Variants in PPAT observed in about 807,000 individuals in gnomAD.
PPAT encodes the protein phosphoribosyl pyrophosphate amidotransferase, also known as amidophosphoribosyltransferase.
Under a neutral mutation model 60.2 loss-of-function variants are expected in PPAT, and 20 were observed. The observed-to-expected ratio is 0.33, with a 90% CI of 0.23 to 0.48. PPAT has a LOEUF of 0.48. Among genes scored for constraint, PPAT ranks in the 20% least tolerant of loss-of-function variants. The pLI, the probability that PPAT is intolerant of heterozygous loss-of-function variation, is 0.99. For synonymous variants in PPAT, 194 were observed against 215.1 expected, an observed-to-expected ratio of 0.90 and a Z score of 0.86; for missense variants, 349 against 629.6, an observed-to-expected ratio of 0.55 and a Z score of 4.77.
chr4:56,403,277 T>C lies in PPAT; in HGVS notation c.515+12A>G. 6.2e-7 allele frequency: 1 copy of C among 1,606,362 alleles called. No homozygotes were observed. Among genetic ancestry groups the C allele is most frequent in the Non-Finnish European group, 8.5e-7 (1 of 1,172,952 alleles). ...TACTAGAGCTCTAAGTTTAGTCCAGTTCTCTGCTTACCTGGCTACCCAGTC... is the reference window on the plus strand; with the variant it reads ...TACTAGAGCTCTAAGTTTAGTCCAGCTCTCTGCTTACCTGGCTACCCAGTC... On this transcript the variant is annotated intron_variant, in intron 4 of 10. Coordinates refer to ENST00000264220, the MANE Select transcript of PPAT (RefSeq NM_002703.5).
chr4:56,429,348 T>C (rs1433967855), intron 1 of PPAT, among the ~76,000 whole-genome samples: 1 of 152,140 alleles, frequency 6.6e-6, no homozygotes, highest in Non-Finnish European at 1.5e-5. Context: ...TGTTATCAGA[T>C]GTAAAAAGAA....
intron 5 of PPAT, among the ~76,000 whole-genome samples, 160 bp from the exon 6 acceptor site, chr4:56,402,341 A>T: frequency 6.6e-6 from 1 of 151,516 alleles, no homozygotes; most frequent in East Asian, 1.9e-4. Context: ...TGAGCCAAAG[A>T]TAAAATAAAT....
In PPAT at chr4:56,435,518, C is replaced by A. The variant is rs1202950686; in HGVS notation, c.-41G>T. 3 of 1,612,112 alleles carry A rather than the reference C, an allele frequency of 1.9e-6. No homozygotes were observed. Among genetic ancestry groups the A allele is most frequent in the African/African-American group, 2.7e-5 (2 of 74,888 alleles). ...ACGTGGAAGGACCTGCCGCTGCGGCCAAGGTGTAAGCACCAACCAGCTGCC... is the reference window on the plus strand; with the variant it reads ...ACGTGGAAGGACCTGCCGCTGCGGCAAAGGTGTAAGCACCAACCAGCTGCC... On this transcript the variant is annotated 5_prime_UTR_variant, in exon 1 of 11. Transcript: ENST00000264220.
At chr4:56,429,007 TA>T in intron 1 of PPAT, 1 of 961,746 alleles carries the variant, frequency 1.0e-6, no homozygotes, top group Non-Finnish European at 1.2e-6. Context: ...ATGAAGATGG[TA>T]AGAGCCAGAG....
In PPAT at chr4:56,401,150, C is replaced by T. The variant is rs564973258; in HGVS notation, c.886+180G>A. On this transcript the variant is annotated intron_variant, in intron 7 of 10. Coordinates refer to ENST00000264220, the MANE Select transcript of PPAT (RefSeq NM_002703.5). The stretch of plus-strand genomic sequence containing the variant: ...CTTACTCCTAACAAAAAACAAAATC[C>T]AAGAGTCAAAAGGAAGTGAAAAATA... Among the ~76,000 whole-genome samples, 11 of 151,998 alleles carry T rather than the reference C, an allele frequency of 7.2e-5. No individual in the cohort carries two copies. The South Asian group carries it at 2.3e-3, about 32-fold the overall frequency.
chr4:56,395,204 C>T lies in PPAT; in HGVS notation c.*148G>A. 1.5e-6 allele frequency: 1 copy of T among 660,386 alleles called. No homozygotes were observed. The highest frequency in any genetic ancestry group is 2.3e-6 in the Non-Finnish European group (1 of 425,648). 40.9% of individuals were successfully genotyped at this position (660,386 alleles called of 1,614,324 possible). On this transcript the variant is annotated 3_prime_UTR_variant, in exon 11 of 11. Coordinates refer to ENST00000264220, the MANE Select transcript of PPAT (RefSeq NM_002703.5). ...AGTTATCGCACTTTGGTATCCTTTTCAGAAAAAAAAAAAATCTCAAAACTT... is the reference window on the plus strand; with the variant it reads ...AGTTATCGCACTTTGGTATCCTTTTTAGAAAAAAAAAAAATCTCAAAACTT...
chr4:56,405,479 G>C (rs1421203909), intron 3 of PPAT, among the ~76,000 whole-genome samples: 1 of 152,204 alleles, frequency 6.6e-6, no homozygotes, highest in Non-Finnish European at 1.5e-5. Context: ...AGTTGCCAGG[G>C]GAATCAACCA....
In PPAT at chr4:56,395,622, G is replaced by A. The variant is rs191710770; in HGVS notation, c.1358-74C>T. Reference sequence around the variant, plus strand: ...GGAAGAAACGCGTCAACAGAGAATAGTTACAAACAGAATAATTTAAGCTAG... The same window carrying A: ...GGAAGAAACGCGTCAACAGAGAATAATTACAAACAGAATAATTTAAGCTAG... On this transcript the variant is annotated intron_variant, in intron 10 of 10. Transcript: ENST00000264220. The A allele has an allele frequency of 4.8e-4, 480 of 997,138 alleles. 1 individual carries two copies. The highest frequency in any genetic ancestry group is 4.4e-3 in the African/African-American group (254 of 57,542). 61.8% of individuals were successfully genotyped at this position (997,138 alleles called of 1,614,324 possible).
chr4:56,416,012 G>A (rs1023713142), intron 1 of PPAT, among the ~76,000 whole-genome samples: 5 of 151,632 alleles, frequency 3.3e-5, no homozygotes, highest in African/African-American at 9.7e-5. Context: ...GGAGGTTGCA[G>A]TGAGCCGAGA....
At chr4:56,406,039 A>G (rs1340012356) in intron 3 of PPAT, among the ~76,000 whole-genome samples, 3 of 152,204 alleles carry the variant, frequency 2.0e-5, no homozygotes, top group Non-Finnish European at 4.4e-5. Context: ...GAATTATAGG[A>G]TACCCATTTG....
chr4:56,415,078 T>C (rs1025422338), intron 1 of PPAT, among the ~76,000 whole-genome samples: 13 of 152,212 alleles, frequency 8.5e-5, no homozygotes, highest in Non-Finnish European at 1.8e-4. Context: ...ATATCTTTTC[T>C]TTTTCTTCAA....
intron 1 of PPAT, among the ~76,000 whole-genome samples, chr4:56,419,272 T>C (rs1391092236): frequency 2.0e-5 from 3 of 152,240 alleles, no homozygotes; most frequent in African/African-American, 7.2e-5. Flanking sequence ...TACTGTTTTC[T>C]ATAGTAAATG....
At chr4:56,403,868 T>C (rs1716179174) in intron 3 of PPAT, 1 of 296,616 alleles carries the variant, frequency 3.4e-6, no homozygotes, top group South Asian at 3.2e-5. Flanking sequence ...ACAACAGGGT[T>C]CATGCTCCTA....
chr4:56,399,440 A>C, intron 8 of PPAT, 40 bp from the exon 9 acceptor site: 1 of 1,449,708 alleles, frequency 6.9e-7, no homozygotes. Context: ...GGAGTAATAT[A>C]CAGAATAGGC....
rs1038406471 is a variant in PPAT, at chr4:56,399,374, C to T, written c.1041G>A (p.Leu347=). ...TTCTCCCTACATACCGGTTTTTACACAGCACCTCCACATATGGAAGTCCAC... is the reference window on the plus strand; with the variant it reads ...TTCTCCCTACATACCGGTTTTTACATAGCACCTCCACATATGGAAGTCCAC... ...GKCGLPYVEV[L]CKNRYVGRTF... The change falls in exon 9 of 11, where the codon CTG becomes CTA. Residue 347 remains leucine, a synonymous_variant. Transcript: ENST00000264220. 10 of 1,613,778 alleles carry T rather than the reference C, an allele frequency of 6.2e-6. No homozygotes were observed. The highest frequency in any genetic ancestry group is 1.3e-5 in the African/African-American group (1 of 75,030).
At chr4:56,431,754 T>C (rs1717594772) in intron 1 of PPAT, among the ~76,000 whole-genome samples, 1 of 152,234 alleles carries the variant, frequency 6.6e-6, no homozygotes, top group Non-Finnish European at 1.5e-5. Flanking sequence ...GCCATTCTAG[T>C]CTCCATAAAA....
intron 6 of PPAT, 41 bp downstream of exon 6, chr4:56,402,068 A>T (rs745884147): frequency 1.4e-6 from 2 of 1,460,986 alleles, no homozygotes; most frequent in Non-Finnish European, 1.9e-6. Flanking sequence ...AATTCTTTTC[A>T]ACATGGGAAA....
intron 1 of PPAT, among the ~76,000 whole-genome samples, chr4:56,408,648 G>T (rs920030064): frequency 7.3e-5 from 11 of 150,958 alleles, no homozygotes; most frequent in Non-Finnish European, 1.5e-4. Context: ...CAGCTACTCC[G>T]GAGGCTGAGG....
chr4:56,413,163 GT>G (rs1297415092), intron 1 of PPAT, among the ~76,000 whole-genome samples: 1 of 151,882 alleles, frequency 6.6e-6, no homozygotes, highest in Non-Finnish European at 1.5e-5. Flanking sequence ...TTTTGGTTTT[GT>G]TTTGTTTTGT....
Sources: gnomAD v4.1 joint callset for allele counts (sites outside exome capture counted in the v4.1 genomes callset) on GRCh38, gnomAD v4.1.1 for gene constraint, MANE v1.5 for transcripts, NCBI Gene and HGNC (gene_info 2026-07-23, HGNC 2026-07-21) for gene names.